MROH1: variants seen among roughly 807,000 people sequenced by gnomAD.
The protein encoded by MROH1 is maestro heat-like repeat-containing protein family member 1.
MROH1 carries 117 observed loss-of-function variants against 116.5 expected under a neutral mutation model. The observed-to-expected ratio is 1.00, with a 90% CI of 0.86 to 1.17. The LOEUF is 1.17. Among genes scored for constraint, MROH1 ranks in the 50% most tolerant of loss-of-function variants. The pLI, the probability that MROH1 is intolerant of heterozygous loss-of-function variation, is 0.00. For missense variants in MROH1, 1,873 were observed against 1,338.5 expected (o/e 1.40, Z -6.23); for synonymous variants, 921 against 583.9 (o/e 1.58, Z -8.32).
At chr8:144,198,851 G>A (rs1316296653) in intron 10 of MROH1, among the ~76,000 whole-genome samples, 4 of 152,164 alleles carry the variant, frequency 2.6e-5, no homozygotes, top group East Asian at 1.9e-4. Flanking sequence ...GACAGTAGCT[G>A]TGTGTCTGCC....
chr8:144,211,260 G>A (rs1039013493), intron 12 of MROH1, among the ~76,000 whole-genome samples: 1 of 152,188 alleles, frequency 6.6e-6, no homozygotes, highest in African/African-American at 2.4e-5. Flanking sequence ...TCTCTCCTTT[G>A]AACGTCAGTC....
chr8:144,170,838 T>C (rs1013985703), intron 4 of MROH1, among the ~76,000 whole-genome samples: 2 of 152,206 alleles, frequency 1.3e-5, no homozygotes, highest in Admixed American at 6.5e-5. Context: ...CAGCCAGGGT[T>C]CTGCACAGGA....
At chr8:144,223,502 A>C (rs963205276) in intron 14 of MROH1, among the ~76,000 whole-genome samples, 9 of 152,228 alleles carry the variant, frequency 5.9e-5, no homozygotes, top group Admixed American at 4.6e-4. Context: ...CAGCCCCCCA[A>C]GACTACAGGC....
At chr8:144,225,995 AC>A (rs1272644396) in intron 14 of MROH1, among the ~76,000 whole-genome samples, 1 of 141,136 alleles carries the variant, frequency 7.1e-6, no homozygotes, top group African/African-American at 2.7e-5. Context: ...GCTCACTGCA[AC>A]CTCCACCTCC....
rs955360395 is a variant in MROH1, at chr8:144,249,106, G to C, written c.3273+77G>C. ...GCGGTGGGACGGGCAGGGCAGGAGTGGGGTAGTGGCTCTTGGAGAGGTGGC... is the reference window on the plus strand; with the variant it reads ...GCGGTGGGACGGGCAGGGCAGGAGTCGGGTAGTGGCTCTTGGAGAGGTGGC... On this transcript the variant is annotated intron_variant, in intron 32 of 43. Transcript: ENST00000326134. 2.4e-5 allele frequency: 17 copies of C among 702,400 alleles called. No individual in the cohort carries two copies. The East Asian group carries it at 3.8e-4, about 16-fold the overall frequency. 43.5% of individuals were successfully genotyped at this position (702,400 alleles called of 1,614,324 possible). A position where few individuals can be genotyped will look rare whatever the true frequency, so the allele number is the denominator to read the frequency against.
At chr8:144,261,242 C>G in intron 42 of MROH1, 26 bp downstream of exon 42, 1 of 761,206 alleles carries the variant, frequency 1.3e-6, no homozygotes, top group Non-Finnish European at 2.4e-6. Context: ...TGCCCCACCC[C>G]CACGCCGCCC....
chr8:144,261,585 C>T lies in MROH1; in HGVS notation c.4841-70C>T, dbSNP rs980535007. 8.6e-6 allele frequency: 6 copies of T among 700,676 alleles called. No homozygotes were observed. In the East Asian group the frequency reaches 1.1e-4, roughly 13 times the overall value. The allele number at this position is 700,676 out of a possible 1,614,324, so 43.4% of individuals were successfully genotyped here. Reference sequence around the variant, plus strand: ...CTCCCAGCAGAGGCTGTCAGGAGAGCGTGGCCCACGCGCAGGCATGGGCAT... The same window carrying T: ...CTCCCAGCAGAGGCTGTCAGGAGAGTGTGGCCCACGCGCAGGCATGGGCAT... On this transcript the variant is annotated intron_variant, in intron 43 of 43. Coordinates refer to ENST00000326134, the MANE Select transcript of MROH1 (RefSeq NM_032450.3).
chr8:144,259,790 G>C (rs1844649407), intron 37 of MROH1, 121 bp from the exon 38 acceptor site: 2 of 697,076 alleles, frequency 2.9e-6, no homozygotes, highest in Non-Finnish European at 5.2e-6. Context: ...CCAGGGAGTA[G>C]GTGCTCCACC....
chr8:144,226,603 C>T (rs1443589159), intron 14 of MROH1, among the ~76,000 whole-genome samples: 1 of 152,168 alleles, frequency 6.6e-6, no homozygotes, highest in Non-Finnish European at 1.5e-5. Context: ...TAGGCGTGTA[C>T]CACCACACCC....
chr8:144,211,801 G>T (rs146834927), intron 12 of MROH1, among the ~76,000 whole-genome samples: 5 of 152,076 alleles, frequency 3.3e-5, no homozygotes, highest in Non-Finnish European at 7.3e-5. Context: ...AGTTTTCAAG[G>T]TAGTGGATTG....
At chr8:144,194,925 T>C (rs760605573) in intron 10 of MROH1, among the ~76,000 whole-genome samples, 3 of 147,504 alleles carry the variant, frequency 2.0e-5, no homozygotes, top group East Asian at 2.0e-4. Context: ...AAAAAAAAAG[T>C]TCTGCAAATT....
intron 31 of MROH1, among the ~76,000 whole-genome samples, chr8:144,248,313 A>T (rs903154050): frequency 9.2e-5 from 14 of 152,282 alleles, no homozygotes; most frequent in African/African-American, 3.4e-4. Flanking sequence ...GGGGGAAAAA[A>T]AGAGTCCTTC....
chr8:144,168,896 A>C (rs1821705292), intron 4 of MROH1, among the ~76,000 whole-genome samples: 1 of 152,214 alleles, frequency 6.6e-6, no homozygotes, highest in Non-Finnish European at 1.5e-5. Flanking sequence ...GGGGCTGCCC[A>C]GGAGGGGCCA....
intron 14 of MROH1, among the ~76,000 whole-genome samples, chr8:144,226,241 A>T (rs1423571469): frequency 6.6e-6 from 1 of 151,752 alleles, no homozygotes; most frequent in African/African-American, 2.4e-5. Context: ...GTTAAATGTG[A>T]GGTGTGTTTG....
rs1844412293 is a variant in MROH1 at position 144,258,776 on chromosome 8, G to C, written c.3792-1G>C. The C allele has an allele frequency of 2.6e-6, 2 of 766,674 alleles. No homozygotes were observed. The highest frequency in any genetic ancestry group is 1.7e-5 in the African/African-American group (1 of 58,896). 47.5% of individuals were successfully genotyped at this position (766,674 alleles called of 1,614,324 possible). On this transcript the variant is annotated splice_acceptor_variant, in intron 35 of 43. Coordinates refer to ENST00000326134, the MANE Select transcript of MROH1 (RefSeq NM_032450.3). LOFTEE classifies it high-confidence loss of function. ...AGCTGAGCACCCTGGCAATCCTGCA[G>C]CTCTGCAGTGGACACCCTGCGGTCC...
rs1414735210 is a variant in MROH1 at position 144,182,032 on chromosome 8, C to T, written c.562+1509C>T. The stretch of plus-strand genomic sequence containing the variant: ...TTCAGCCAGCGAAGATTCCATGGGA[C>T]CTCCTCGTGTGGGACGTGTGCTCCC... On this transcript the variant is annotated intron_variant, in intron 7 of 43. Coordinates refer to ENST00000326134, the MANE Select transcript of MROH1 (RefSeq NM_032450.3). This position sits in a 1 kb window ranked among gnomAD's most constrained non-coding sequence, Gnocchi z 4.1. Among the ~76,000 whole-genome samples, 1 of 152,220 alleles carries T rather than the reference C, an allele frequency of 6.6e-6. No homozygotes were observed. Among genetic ancestry groups the T allele is most frequent in the Non-Finnish European group, 1.5e-5 (1 of 68,036 alleles).
chr8:144,256,652 C>T (rs1843876146), intron 35 of MROH1, among the ~76,000 whole-genome samples: 1 of 152,208 alleles, frequency 6.6e-6, no homozygotes, highest in African/African-American at 2.4e-5. Flanking sequence ...GGCCCCACGC[C>T]CACCCCCAGG....
intron 7 of MROH1, among the ~76,000 whole-genome samples, chr8:144,188,538 C>T (rs1242397441): frequency 1.4e-5 from 2 of 143,392 alleles, no homozygotes; most frequent in East Asian, 4.2e-4. Context: ...GTGATCTCAG[C>T]TCACTGCAAC....
chr8:144,220,518 A>C, intron 12 of MROH1, 82 bp from the exon 13 acceptor site: 1 of 1,278,218 alleles, frequency 7.8e-7, no homozygotes, highest in Admixed American at 2.2e-5. Flanking sequence ...ACCACGGGGA[A>C]GCCAGGCCCC....
Sources: allele counts gnomAD v4.1 joint callset (sites outside exome capture counted in the v4.1 genomes callset), GRCh38; gene constraint gnomAD v4.1.1; non-coding constraint Gnocchi (gnomAD v3.1); transcripts MANE v1.5; gene names NCBI Gene and HGNC (gene_info 2026-07-23, HGNC 2026-07-21).